The following SHISA9 variants were observed in gnomAD, a reference collection of about 807,000 sequenced individuals.
SHISA9 encodes protein shisa-9.
In SHISA9, 13 loss-of-function variants were observed where a neutral mutation model predicts 38.0. The ratio of observed to expected loss-of-function variants is 0.34; its 90% CI spans 0.22 to 0.54. SHISA9 has a LOEUF of 0.54. Ranked by LOEUF, SHISA9 falls within the 20% of genes least tolerant of loss-of-function variation. The pLI is 0.91. For missense variants in SHISA9, 538 were observed against 575.8 expected (o/e 0.93, Z 0.67); for synonymous variants, 275 against 242.0 (o/e 1.14, Z -1.27).
intron 2 of SHISA9, among the ~76,000 whole-genome samples, chr16:13,106,008 C>T (rs1472013031): frequency 1.2e-4 from 18 of 152,180 alleles, no homozygotes; most frequent in Admixed American, 1.1e-3. Context: ...AGTGTGCTAC[C>T]TTCTGCCTCT....
the SHISA9 span, among the ~76,000 whole-genome samples, chr16:13,336,590 A>G: frequency 6.6e-6 from 1 of 152,236 alleles, no homozygotes; most frequent in Admixed American, 6.5e-5. Context: ...AGATAAGGAA[A>G]TAACTCATTT....
At chr16:12,949,441 C>A (rs1490593724) in intron 2 of SHISA9, among the ~76,000 whole-genome samples, 2 of 152,184 alleles carry the variant, frequency 1.3e-5, no homozygotes, top group African/African-American at 4.8e-5. Flanking sequence ...GGGTGAGGCA[C>A]CTCCTATTCA....
chr16:13,262,678 G>GGA, the SHISA9 span, among the ~76,000 whole-genome samples: 43 of 55,900 alleles, frequency 7.7e-4, 3 homozygotes, highest in African/African-American at 2.0e-3. Flanking sequence ...GGAAGGGAGG[G>GGA]AGGAAGGAAG....
At chr16:13,142,016 A>G (rs1051828325) in intron 2 of SHISA9, among the ~76,000 whole-genome samples, 3 of 152,236 alleles carry the variant, frequency 2.0e-5, no homozygotes, top group Non-Finnish European at 4.4e-5. Flanking sequence ...GATTGTAGAA[A>G]GATTACGCAC....
At chr16:13,243,718 C>T (rs1326226345), downstream of SHISA9, among the ~76,000 whole-genome samples, 12 of 150,776 alleles carry the variant, frequency 8.0e-5, no homozygotes. Context: ...CCTTCATGGC[C>T]TGAACCAGTG....
intron 2 of SHISA9, among the ~76,000 whole-genome samples, chr16:13,059,801 A>G (rs954656375): frequency 6.6e-6 from 1 of 152,130 alleles, no homozygotes; most frequent in African/African-American, 2.4e-5. Flanking sequence ...ATGTTCTTAC[A>G]AAAGGGGAGG....
chr16:13,511,607 G>C, the SHISA9 span, among the ~76,000 whole-genome samples: 11 of 152,218 alleles, frequency 7.2e-5, no homozygotes, highest in Admixed American at 4.6e-4. Context: ...AACAAAATCA[G>C]ATAAGCCCCA....
chr16:13,205,538 C>A (rs1386102046), intron 3 of SHISA9, among the ~76,000 whole-genome samples: 1 of 152,166 alleles, frequency 6.6e-6, no homozygotes, highest in South Asian at 2.1e-4. Context: ...TAGCCTTGGG[C>A]AACATTTGGC....
intron 4 of SHISA9, among the ~76,000 whole-genome samples, chr16:13,223,248 G>A (rs2051246618): frequency 6.6e-6 from 1 of 152,002 alleles, no homozygotes; most frequent in Non-Finnish European, 1.5e-5. Flanking sequence ...ACAACATAGT[G>A]AGACACCCTT....
At chr16:13,055,553 T>G (rs1344559137) in intron 2 of SHISA9, among the ~76,000 whole-genome samples, 1 of 152,222 alleles carries the variant, frequency 6.6e-6, no homozygotes, top group Non-Finnish European at 1.5e-5. Context: ...TCTCACAGTT[T>G]GAATTCCAAT....
At chr16:13,471,328 G>A in the SHISA9 span, among the ~76,000 whole-genome samples, 1 of 152,108 alleles carries the variant, frequency 6.6e-6, no homozygotes. Flanking sequence ...TTTTTTAAAT[G>A]TTTTAAAATG....
chr16:13,240,908 G>A (rs969789598), downstream of SHISA9, among the ~76,000 whole-genome samples: 18 of 151,836 alleles, frequency 1.2e-4, no homozygotes, highest in Admixed American at 5.2e-4. Context: ...AAAGAGGCTC[G>A]GAGATTAGGA....
the SHISA9 span, among the ~76,000 whole-genome samples, chr16:13,410,573 A>T: frequency 6.6e-6 from 1 of 152,220 alleles, no homozygotes; most frequent in East Asian, 1.9e-4. Flanking sequence ...GGAACACAGA[A>T]TTAGAACCTA....
In SHISA9 at chr16:13,173,602, A is replaced by T. The variant is rs2050707435; in HGVS notation, c.692-29792A>T. On this transcript the variant is annotated intron_variant, in intron 2 of 4. Coordinates refer to ENST00000558583, the MANE Select transcript of SHISA9 (RefSeq NM_001145204.3). ...GGGATATTTAACAATGCCTAGAGAC[A>T]TTTTTGGTTGTCACAACTTGCAGGA... Among the ~76,000 whole-genome samples, 3 of 152,156 alleles carry T rather than the reference A, an allele frequency of 2.0e-5. No homozygotes were observed. The South Asian group carries it at 6.2e-4, about 32-fold the overall frequency.
At chr16:13,037,467 A>G (rs7184783) in intron 2 of SHISA9, among the ~76,000 whole-genome samples, 21,888 of 151,932 alleles carry the variant, frequency 0.14, 3,712 homozygotes, top group African/African-American at 0.4. Flanking sequence ...GGAGGGGAGC[A>G]GCAGTGAGGG....
the SHISA9 span, among the ~76,000 whole-genome samples, chr16:13,298,400 G>T: frequency 6.6e-6 from 1 of 152,108 alleles, no homozygotes; most frequent in East Asian, 1.9e-4. Flanking sequence ...TAATAAACAC[G>T]ATGATGACTC....
At chr16:13,161,009 T>C (rs1023526922) in intron 2 of SHISA9, among the ~76,000 whole-genome samples, 2 of 152,130 alleles carry the variant, frequency 1.3e-5, no homozygotes, top group East Asian at 1.9e-4. Flanking sequence ...AGAAGTTAGG[T>C]TGGCATTTGA....
intron 4 of SHISA9, among the ~76,000 whole-genome samples, chr16:13,221,214 T>C (rs1032560204): frequency 1.3e-5 from 2 of 152,148 alleles, no homozygotes; most frequent in Non-Finnish European, 2.9e-5. Context: ...ACCTGGTTCA[T>C]GTGCAGCCTC....
chr16:13,193,662 G>A (rs2050909379), intron 2 of SHISA9, among the ~76,000 whole-genome samples: 2 of 152,144 alleles, frequency 1.3e-5, no homozygotes, highest in African/African-American at 2.4e-5. Flanking sequence ...GCCTTTCTGA[G>A]CACATGACTT....
Sources: gnomAD v4.1 joint callset for allele counts (sites outside exome capture counted in the v4.1 genomes callset) on GRCh38, gnomAD v4.1.1 for gene constraint, MANE v1.5 for transcripts, NCBI Gene and HGNC (gene_info 2026-07-23, HGNC 2026-07-21) for gene names.